The following SGCD variants were observed in gnomAD, a reference collection of about 807,000 sequenced individuals.
The protein encoded by SGCD is delta-sarcoglycan.
A neutral mutation model predicts 36.6 loss-of-function variants in SGCD; 18 were observed. That is an observed-to-expected ratio of 0.49 (90% CI 0.34 to 0.73). The LOEUF is 0.73. SGCD is among the 30% of genes least tolerant of loss of function. The pLI is 0.01. For missense variants in SGCD, 387 were observed against 346.7 expected, an observed-to-expected ratio of 1.12 and a Z score of -0.92; for synonymous variants, 133 against 130.6, an observed-to-expected ratio of 1.02 and a Z score of -0.12.
At chr5:156,261,462 C>G (rs185827625) in intron 3 of SGCD, among the ~76,000 whole-genome samples, 3 of 152,172 alleles carry the variant, frequency 2.0e-5, no homozygotes, top group African/African-American at 7.2e-5. Flanking sequence ...TGTCTAGTGA[C>G]GTCACAGCCA....
At chr5:156,734,811 C>T (rs899399212) in intron 7 of SGCD, among the ~76,000 whole-genome samples, 11 of 152,130 alleles carry the variant, frequency 7.2e-5, no homozygotes, top group South Asian at 2.1e-4. Context: ...ACAATGTACT[C>T]TTTTATTTAG....
intron 3 of SGCD, among the ~76,000 whole-genome samples, chr5:156,240,138 A>G (rs922158220): frequency 1.3e-5 from 2 of 152,168 alleles, no homozygotes; most frequent in Non-Finnish European, 2.9e-5. Context: ...TCTTTTTAAC[A>G]TGGTAGAATT....
chr5:156,112,985 G>C (rs1761823802), intron 1 of SGCD, among the ~76,000 whole-genome samples: 5 of 152,134 alleles, frequency 3.3e-5, no homozygotes, highest in Admixed American at 3.3e-4. Flanking sequence ...CCAATGCAAT[G>C]GTTTTGCAAT....
At chr5:156,103,634 G>A (rs1761576095) in intron 1 of SGCD, among the ~76,000 whole-genome samples, 1 of 151,962 alleles carries the variant, frequency 6.6e-6, no homozygotes, top group African/African-American at 2.4e-5. Context: ...TAATTTGTTG[G>A]TTTCAGCCCC....
At chr5:156,600,159 T>A (rs1761132238) in intron 6 of SGCD, among the ~76,000 whole-genome samples, 1 of 152,236 alleles carries the variant, frequency 6.6e-6, no homozygotes, top group African/African-American at 2.4e-5. Context: ...TTCTTTTTGA[T>A]GACAACATTC....
intron 1 of SGCD, among the ~76,000 whole-genome samples, chr5:156,038,720 A>G (rs1453491496): frequency 1.3e-5 from 2 of 152,164 alleles, no homozygotes; most frequent in African/African-American, 4.8e-5. Context: ...ACTTTGTTAG[A>G]TGGGGAATAT....
chr5:155,794,364 A>G, the SGCD span, among the ~76,000 whole-genome samples: 424 of 152,322 alleles, frequency 2.8e-3, 1 homozygote, highest in African/African-American at 9.9e-3. Flanking sequence ...TAATATATTC[A>G]CAGGGGATCA....
upstream of SGCD, among the ~76,000 whole-genome samples, chr5:156,322,697 T>C (rs1767704169): frequency 1.3e-5 from 2 of 152,090 alleles, no homozygotes; most frequent in Non-Finnish European, 2.9e-5. Context: ...GTCCAGAAGG[T>C]GAGAACAGCT....
chr5:156,370,233 A>T (rs1387065506), intron 3 of SGCD, among the ~76,000 whole-genome samples: 1 of 152,208 alleles, frequency 6.6e-6, no homozygotes, highest in African/African-American at 2.4e-5. Flanking sequence ...TGACAGGAAA[A>T]GCAAAGAGGC....
intron 1 of SGCD, among the ~76,000 whole-genome samples, chr5:155,976,315 A>G (rs527441593): frequency 2.0e-4 from 30 of 152,322 alleles, no homozygotes; most frequent in African/African-American, 6.5e-4. Flanking sequence ...ACATTATTTG[A>G]CATATTTTGG....
intron 7 of SGCD, among the ~76,000 whole-genome samples, chr5:156,730,959 T>A (rs1022384216): frequency 2.0e-5 from 3 of 152,198 alleles, no homozygotes; most frequent in African/African-American, 7.2e-5. Context: ...GTGTGAGGTA[T>A]CTCATTGTGG....
rs370327314 is a variant in SGCD, at chr5:156,595,024, G to A, written c.475G>A (p.Val159Ile). The change falls in exon 6 of 9, where the codon GTA becomes ATA. Residue 159 changes from valine to isoleucine, a missense_variant. Val to Ile is a conservative substitution (Grantham distance 29). Transcript: ENST00000337851. Reference protein sequence around the residue: ...LFSADNNEVVVGAERLRVLGA... With the variant: ...LFSADNNEVVIGAERLRVLGA... Reference sequence around the variant, plus strand: ...CTCTGCAGACAATAATGAAGTGGTAGTAGGAGCTGAAAGATTACGAGTTTT... The same window carrying A: ...CTCTGCAGACAATAATGAAGTGGTAATAGGAGCTGAAAGATTACGAGTTTT... 8 of 1,611,644 alleles carry A rather than the reference G, an allele frequency of 5.0e-6. No homozygotes were observed. The highest frequency in any genetic ancestry group is 2.7e-5 in the African/African-American group (2 of 74,856).
chr5:156,094,069 C>T (rs1761317523), intron 1 of SGCD, among the ~76,000 whole-genome samples: 1 of 152,178 alleles, frequency 6.6e-6, no homozygotes, highest in Non-Finnish European at 1.5e-5. Flanking sequence ...CCAGTTCCCT[C>T]ATCATACTCT....
At chr5:156,122,981 A>T (rs1167647691) in intron 2 of SGCD, among the ~76,000 whole-genome samples, 4 of 149,882 alleles carry the variant, frequency 2.7e-5, no homozygotes. Context: ...ATCAAGGTTT[A>T]CTTGGAGGGT....
intron 3 of SGCD, among the ~76,000 whole-genome samples, chr5:156,238,802 C>T (rs1002363830): frequency 6.6e-6 from 1 of 152,100 alleles, no homozygotes; most frequent in African/African-American, 2.4e-5. Flanking sequence ...TTATGATCCC[C>T]AGGCATTAGT....
chr5:156,233,917 T>A (rs1012007596), intron 3 of SGCD, among the ~76,000 whole-genome samples: 2 of 152,126 alleles, frequency 1.3e-5, no homozygotes, highest in African/African-American at 4.8e-5. Context: ...TTTGTTTTTT[T>A]AAAAAAGAAA....
intron 2 of SGCD, among the ~76,000 whole-genome samples, chr5:156,333,783 ATTTTTTTTTTTTTTTTTTTTT>A (rs70984404): frequency 8.5e-4 from 17 of 19,966 alleles, no homozygotes; most frequent in Admixed American, 3.8e-3. Context: ...TAGAAAAGTG[ATTTTTTTTTTTTTTTTTTTTT>A]TTTTTTTTTT....
At chr5:155,741,109 G>T in the SGCD span, among the ~76,000 whole-genome samples, 1 of 152,192 alleles carries the variant, frequency 6.6e-6, no homozygotes, top group Non-Finnish European at 1.5e-5. Flanking sequence ...TGGGTTTAAA[G>T]ATTTCCTGAT....
intron 3 of SGCD, among the ~76,000 whole-genome samples, chr5:156,432,897 GA>G (rs1753082051): frequency 1.3e-5 from 2 of 152,282 alleles, no homozygotes; most frequent in South Asian, 4.1e-4. Flanking sequence ...TCCTTGCAGA[GA>G]TAACAAGCAG....
Sources: gnomAD v4.1 joint callset for allele counts (sites outside exome capture counted in the v4.1 genomes callset) on GRCh38, gnomAD v4.1.1 for gene constraint, MANE v1.5 for transcripts, NCBI Gene and HGNC (gene_info 2026-07-23, HGNC 2026-07-21) for gene names.